The following PIEZO2 variants were observed in gnomAD, a reference collection of about 807,000 sequenced individuals.
PIEZO2 encodes the protein piezo type mechanosensitive ion channel component 2.
In PIEZO2, 172 loss-of-function variants were observed where a neutral mutation model predicts 337.3. The observed-to-expected ratio is 0.51, with a 90% CI of 0.45 to 0.58. PIEZO2 has a LOEUF of 0.58. Among genes scored for constraint, PIEZO2 ranks in the 20% least tolerant of loss-of-function variants. The pLI is 0.00. For missense variants in PIEZO2, 3,028 were observed against 3,391.3 expected, an observed-to-expected ratio of 0.89 and a Z score of 2.66; for synonymous variants, 1,251 against 1,228.5, an observed-to-expected ratio of 1.02 and a Z score of -0.38.
chr18:11,147,688 C>G (rs1343524240), intron 1 of PIEZO2, among the ~76,000 whole-genome samples: 1 of 152,254 alleles, frequency 6.6e-6, no homozygotes, highest in African/African-American at 2.4e-5. Flanking sequence ...ATGTCACAGG[C>G]ACTGCCTGTT....
At chr18:10,721,611 AC>A (rs1379541975) in intron 36 of PIEZO2, among the ~76,000 whole-genome samples, 2 of 152,186 alleles carry the variant, frequency 1.3e-5, no homozygotes, top group Non-Finnish European at 2.9e-5. Context: ...AGTTTGCCTC[AC>A]TAAAAATTAA....
chr18:10,728,479 A>T (rs1378429267), intron 36 of PIEZO2: 1 of 152,212 alleles, frequency 6.6e-6, no homozygotes, highest in African/African-American at 2.4e-5. Context: ...TGTGGCAAAA[A>T]TCCGGAAGCA....
intron 3 of PIEZO2, among the ~76,000 whole-genome samples, chr18:10,951,572 C>T (rs2033297134): frequency 6.6e-6 from 1 of 152,226 alleles, no homozygotes; most frequent in Admixed American, 6.5e-5. Flanking sequence ...CAGTGGCTCC[C>T]TTCCACCTAT....
At chr18:10,757,005 G>A (rs2037893384) in intron 27 of PIEZO2, among the ~76,000 whole-genome samples, 2 of 67,082 alleles carry the variant, frequency 3.0e-5, no homozygotes, top group African/African-American at 2.9e-4. Context: ...AATGCAGGAT[G>A]AGAAGAAGAA....
At chr18:10,944,376 T>C (rs902853917) in intron 3 of PIEZO2, among the ~76,000 whole-genome samples, 3 of 151,466 alleles carry the variant, frequency 2.0e-5, no homozygotes, top group African/African-American at 7.3e-5. Context: ...TTCAGATTGA[T>C]GAAATCATCA....
chr18:10,699,262 A>G, intron 43 of PIEZO2, 85 bp from the exon 44 acceptor site: 1 of 1,491,036 alleles, frequency 6.7e-7, no homozygotes, highest in Non-Finnish European at 9.0e-7. Context: ...TCATCCAACA[A>G]ACTGTCCTTC....
rs867838784 is a variant in PIEZO2 at position 10,797,438 on chromosome 18, G to T, written c.1463C>A (p.Ala488Asp). Residue 488 changes from alanine (A) to aspartate (D), a missense_variant, in exon 12 of 56, where the codon GCC becomes GAC. Ala to Asp is a moderately radical substitution (Grantham distance 126). This residue lies in a region of PIEZO2 where 542 missense variants were observed against 605.6 expected (regional missense o/e 0.89). Transcript: ENST00000674853. ...AATAAATTGGAATACGGAGACCATG[G>T]CATGAACTTTGATACTTCTTTTTTC... The part of the protein sequence containing the change: ...REEKRSIKVH[A>D]MVSVFQFIMK... The T allele has an allele frequency of 2.3e-5, 36 of 1,536,998 alleles. No homozygotes were observed. The highest frequency in any genetic ancestry group is 3.1e-5 in the Non-Finnish European group (36 of 1,146,904).
intron 27 of PIEZO2, among the ~76,000 whole-genome samples, chr18:10,754,932 C>G (rs148765318): frequency 0.01 from 1,590 of 152,200 alleles, 36 homozygotes; most frequent in African/African-American, 0.036. Flanking sequence ...CAGGGATAAC[C>G]GCATGACCTC....
intron 7 of PIEZO2, among the ~76,000 whole-genome samples, chr18:10,848,561 CTG>C (rs2041437417): frequency 6.6e-6 from 1 of 152,166 alleles, no homozygotes; most frequent in African/African-American, 2.4e-5. Flanking sequence ...AGAGAATGGG[CTG>C]AGAATCTTTC....
chr18:11,145,378 A>G (rs2146301123), intron 1 of PIEZO2, among the ~76,000 whole-genome samples: 2 of 152,316 alleles, frequency 1.3e-5, no homozygotes, highest in East Asian at 3.9e-4. Flanking sequence ...ATCTGTAACC[A>G]TTATATTAAA....
Position 10,942,520 on chromosome 18 carries a change from G to C in PIEZO2, c.287-31292C>G, listed in dbSNP as rs2145257364. Among the ~76,000 whole-genome samples the C allele has an allele frequency of 6.6e-6, 1 of 152,290 alleles. No individual in the cohort carries two copies. The highest frequency in any genetic ancestry group is 1.9e-4 in the East Asian group (1 of 5,182). ...GAGATTTGTGGAACTTTGAACTTGA[G>C]AGAGATGATTTAGGGTATCTGGCGG... is the stretch of plus-strand genomic sequence containing the variant. On this transcript the variant is annotated intron_variant, in intron 3 of 55. Coordinates refer to ENST00000674853, the MANE Select transcript of PIEZO2 (RefSeq NM_001378183.1). The surrounding 1 kb of genome is among the most constrained non-coding windows in gnomAD (Gnocchi z 4.4).
chr18:10,715,047 AC>A (rs2035958487), intron 38 of PIEZO2, 117 bp from the exon 39 acceptor site: 2 of 1,039,592 alleles, frequency 1.9e-6, no homozygotes, highest in South Asian at 3.5e-5. Flanking sequence ...AAGGATTAGG[AC>A]CATGCTAGGC....
chr18:10,972,072 C>A (rs1453042863), intron 3 of PIEZO2, among the ~76,000 whole-genome samples: 1 of 150,944 alleles, frequency 6.6e-6, no homozygotes, highest in Non-Finnish European at 1.5e-5. Flanking sequence ...GTGGGTAGAT[C>A]ACTTGAGGTC....
rs190243214 is a variant in PIEZO2 at position 10,834,976 on chromosome 18, C to A, written c.917+20377G>T. On this transcript the variant is annotated intron_variant, in intron 7 of 55. Coordinates refer to ENST00000674853, the MANE Select transcript of PIEZO2 (RefSeq NM_001378183.1). The surrounding 1 kb of genome is among the most constrained non-coding windows in gnomAD (Gnocchi z 4.5). The stretch of plus-strand genomic sequence containing the variant: ...ATTAAGAAGTCGGGCCTTTGAGGGG[C>A]GATTAGGTCACAAGGGAGAAGCCCT... Among the ~76,000 whole-genome samples the A allele has an allele frequency of 6.6e-6, 1 of 152,104 alleles. No homozygotes were observed. Among genetic ancestry groups the A allele is most frequent in the East Asian group, 1.9e-4 (1 of 5,184 alleles).
At chr18:10,842,351 A>C (rs1208769670) in intron 7 of PIEZO2, among the ~76,000 whole-genome samples, 2 of 152,116 alleles carry the variant, frequency 1.3e-5, no homozygotes, top group Non-Finnish European at 2.9e-5. Flanking sequence ...GGTGGTGCCT[A>C]ATCAGGGGTG....
At chr18:10,881,690 C>A (rs1171807358) in intron 4 of PIEZO2, among the ~76,000 whole-genome samples, 2 of 152,158 alleles carry the variant, frequency 1.3e-5, no homozygotes, top group African/African-American at 4.8e-5. Context: ...CATTTACCAA[C>A]ACACAACTGC....
chr18:10,941,926 T>A (rs952091088), intron 3 of PIEZO2, among the ~76,000 whole-genome samples: 1 of 152,020 alleles, frequency 6.6e-6, no homozygotes, highest in Non-Finnish European at 1.5e-5. Context: ...GGGGGGTGGG[T>A]CTTTCCAGTG....
chr18:10,976,553 T>C (rs1346716956), intron 3 of PIEZO2, among the ~76,000 whole-genome samples: 2 of 152,140 alleles, frequency 1.3e-5, no homozygotes, highest in East Asian at 3.9e-4. Context: ...TTTAACTTTA[T>C]GGAAATAAAG....
chr18:10,918,854 T>C (rs1371986122), intron 3 of PIEZO2, among the ~76,000 whole-genome samples: 3 of 152,054 alleles, frequency 2.0e-5, no homozygotes, highest in Non-Finnish European at 4.4e-5. Flanking sequence ...CTGATTAATA[T>C]GTAAATTTAT....
Sources: allele counts gnomAD v4.1 joint callset (sites outside exome capture counted in the v4.1 genomes callset), GRCh38; gene constraint gnomAD v4.1.1; regional missense constraint gnomAD v4.1.1; non-coding constraint Gnocchi (gnomAD v3.1); transcripts MANE v1.5; gene names NCBI Gene and HGNC (gene_info 2026-07-23, HGNC 2026-07-21).